Variants in NLGN1 observed in about 807,000 individuals in gnomAD.
NLGN1 encodes the protein neuroligin-1.
In NLGN1, 12 loss-of-function variants were observed where a neutral mutation model predicts 65.5. The ratio of observed to expected loss-of-function variants is 0.18; its 90% CI spans 0.12 to 0.30. NLGN1 has a LOEUF of 0.30. Among genes scored for constraint, NLGN1 ranks in the 10% least tolerant of loss-of-function variants. NLGN1 has a pLI of 1.00. For missense variants in NLGN1, 750 were observed against 1,007.1 expected, an observed-to-expected ratio of 0.74 and a Z score of 3.46; for synonymous variants, 350 against 359.5, an observed-to-expected ratio of 0.97 and a Z score of 0.30.
At chr3:173,515,868 T>C (rs1288455704) in intron 2 of NLGN1, among the ~76,000 whole-genome samples, 1 of 152,044 alleles carries the variant, frequency 6.6e-6, no homozygotes, top group Non-Finnish European at 1.5e-5. Flanking sequence ...TATGCATGGG[T>C]TTATTTCTGG....
intron 3 of NLGN1, among the ~76,000 whole-genome samples, chr3:173,623,107 C>G (rs1450187191): frequency 1.3e-5 from 2 of 151,850 alleles, no homozygotes; most frequent in Non-Finnish European, 1.5e-5. Flanking sequence ...CATAATCATT[C>G]GACAGCAACA....
chr3:173,691,961 C>G (rs889731179), intron 3 of NLGN1, among the ~76,000 whole-genome samples: 3 of 152,012 alleles, frequency 2.0e-5, no homozygotes, highest in African/African-American at 7.2e-5. Flanking sequence ...CACAATGCAT[C>G]TCTTTATAAA....
intron 4 of NLGN1, among the ~76,000 whole-genome samples, chr3:174,008,079 T>G (rs557841514): frequency 6.6e-6 from 1 of 152,226 alleles, no homozygotes; most frequent in East Asian, 1.9e-4. Flanking sequence ...ATCCATTAGC[T>G]TTTGCTGGCT....
At chr3:173,580,109 A>T (rs1369564630) in intron 2 of NLGN1, among the ~76,000 whole-genome samples, 1 of 152,112 alleles carries the variant, frequency 6.6e-6, no homozygotes, top group African/African-American at 2.4e-5. Context: ...AAAGATGTGC[A>T]TTTATATGAT....
intron 2 of NLGN1, among the ~76,000 whole-genome samples, chr3:173,547,376 CACACTGT>C (rs995375469): frequency 2.2e-4 from 33 of 152,188 alleles, no homozygotes; most frequent in African/African-American, 7.5e-4. Context: ...AAATAGTTTC[CACACTGT>C]CTCCAGAAGA....
At chr3:174,184,123 G>A (rs931989327) in intron 4 of NLGN1, among the ~76,000 whole-genome samples, 3 of 151,632 alleles carry the variant, frequency 2.0e-5, no homozygotes, top group African/African-American at 7.3e-5. Context: ...GCTCAATAAA[G>A]AAATACAAAA....
At chr3:173,997,070 TAGC>T (rs1464378033) in intron 4 of NLGN1, among the ~76,000 whole-genome samples, 1 of 152,050 alleles carries the variant, frequency 6.6e-6, no homozygotes, top group Non-Finnish European at 1.5e-5. Flanking sequence ...GAATGGAAAA[TAGC>T]AGAATAATTC....
At chr3:173,870,212 T>C (rs953537171) in intron 4 of NLGN1, among the ~76,000 whole-genome samples, 2 of 152,246 alleles carry the variant, frequency 1.3e-5, no homozygotes, top group African/African-American at 4.8e-5. Context: ...TTAAGTTGCA[T>C]GTATTTATAT....
chr3:173,638,384 A>C (rs1756919870), intron 3 of NLGN1, among the ~76,000 whole-genome samples: 1 of 95,846 alleles, frequency 1.0e-5, no homozygotes, highest in African/African-American at 2.9e-5. Flanking sequence ...AATCATTATA[A>C]AATGAAAAAA....
At chr3:173,529,467 G>A (rs923274307) in intron 2 of NLGN1, among the ~76,000 whole-genome samples, 2 of 152,158 alleles carry the variant, frequency 1.3e-5, no homozygotes, top group Non-Finnish European at 2.9e-5. Context: ...AGACTTAAGG[G>A]GGTGACAGTG....
intron 2 of NLGN1, among the ~76,000 whole-genome samples, chr3:173,488,471 T>C (rs1184259005): frequency 6.6e-6 from 1 of 152,146 alleles, no homozygotes. Context: ...TGGCATTCTG[T>C]AAGTGGTACA....
At chr3:174,083,706 C>A (rs1384152280) in intron 4 of NLGN1, among the ~76,000 whole-genome samples, 1 of 152,156 alleles carries the variant, frequency 6.6e-6, no homozygotes, top group South Asian at 2.1e-4. Context: ...CTCAAGCTCT[C>A]ACTCAGAGAA....
intron 3 of NLGN1, among the ~76,000 whole-genome samples, chr3:173,698,943 A>C (rs1766670059): frequency 6.6e-6 from 1 of 151,640 alleles, no homozygotes; most frequent in East Asian, 1.9e-4. Context: ...CCCAACCTCC[A>C]CCTCCCAGGT....
chr3:173,631,973 T>C (rs1427961216), intron 3 of NLGN1, among the ~76,000 whole-genome samples: 1 of 152,182 alleles, frequency 6.6e-6, no homozygotes, highest in East Asian at 1.9e-4. Flanking sequence ...GTAGCAGATT[T>C]TTTACAGCTG....
At chr3:173,730,248 GATA>G (rs1483108209) in intron 3 of NLGN1, among the ~76,000 whole-genome samples, 1 of 148,272 alleles carries the variant, frequency 6.7e-6, no homozygotes, top group Non-Finnish European at 1.5e-5. Flanking sequence ...ATATCTTGTA[GATA>G]ATATCAGTGA....
intron 3 of NLGN1, among the ~76,000 whole-genome samples, chr3:173,624,716 G>T (rs1012858540): frequency 6.6e-6 from 1 of 151,966 alleles, no homozygotes; most frequent in Non-Finnish European, 1.5e-5. Context: ...ATGAGCAGAA[G>T]GTTTCTCAAT....
At chr3:173,728,363 A>G (rs1772180988) in intron 3 of NLGN1, among the ~76,000 whole-genome samples, 1 of 152,150 alleles carries the variant, frequency 6.6e-6, no homozygotes. Context: ...CTACCAGTCT[A>G]GGTGGACTTT....
intron 2 of NLGN1, among the ~76,000 whole-genome samples, chr3:173,483,755 T>C (rs1206642501): frequency 6.6e-6 from 1 of 152,162 alleles, no homozygotes; most frequent in Non-Finnish European, 1.5e-5. Context: ...TCTAGTTCAC[T>C]AGGAAGATAC....
At chr3:174,135,026 C>T (rs1297681258) in intron 4 of NLGN1, among the ~76,000 whole-genome samples, 1 of 152,032 alleles carries the variant, frequency 6.6e-6, no homozygotes, top group African/African-American at 2.4e-5. Flanking sequence ...AGTGTTCTGC[C>T]AAAGTTCTGA....
Sources: gnomAD v4.1 joint callset for allele counts (sites outside exome capture counted in the v4.1 genomes callset) on GRCh38, gnomAD v4.1.1 for gene constraint, MANE v1.5 for transcripts, NCBI Gene and HGNC (gene_info 2026-07-23, HGNC 2026-07-21) for gene names.